CUL1: variants seen among roughly 807,000 people sequenced by gnomAD.
CUL1 encodes cullin-1.
Under a neutral mutation model 118.0 loss-of-function variants are expected in CUL1, and 24 were observed. The observed-to-expected ratio is 0.20, with a 90% CI of 0.15 to 0.29. CUL1 has a LOEUF of 0.29. Ranked by LOEUF, CUL1 falls within the 10% of genes least tolerant of loss-of-function variation. The probability of loss-of-function intolerance (pLI) is 1.00; values close to 1 mark genes in which losing one functional copy is unlikely to be tolerated. For synonymous variants in CUL1, 332 were observed against 340.4 expected, an observed-to-expected ratio of 0.98 and a Z score of 0.27; for missense variants, 361 against 933.8, an observed-to-expected ratio of 0.39 and a Z score of 7.99.
At chr7:148,732,485 G>C (rs1199371820) in intron 2 of CUL1, among the ~76,000 whole-genome samples, 2 of 151,396 alleles carry the variant, frequency 1.3e-5, no homozygotes, top group Admixed American at 1.3e-4. Context: ...GGGACCACAG[G>C]CACGCACCAT....
In CUL1 at chr7:148,759,647, T is replaced by C; in HGVS notation, c.625+9T>C. 1 of 1,538,008 alleles carries C rather than the reference T, an allele frequency of 6.5e-7. No individual in the cohort carries two copies. The highest frequency in any genetic ancestry group is 8.8e-7 in the Non-Finnish European group (1 of 1,130,222). Reference sequence around the variant, plus strand: ...AGTTGTACAGTCTTACGGTAAATAATTTCCCTTTAGTTTATTCAAAGTTTT... The same window carrying C: ...AGTTGTACAGTCTTACGGTAAATAACTTCCCTTTAGTTTATTCAAAGTTTT... On this transcript the variant is annotated intron_variant, in intron 6 of 21. Coordinates refer to ENST00000325222, the MANE Select transcript of CUL1 (RefSeq NM_003592.3).
At chr7:148,776,512 T>G (rs1359945129) in intron 9 of CUL1, among the ~76,000 whole-genome samples, 1 of 151,822 alleles carries the variant, frequency 6.6e-6, no homozygotes, top group Non-Finnish European at 1.5e-5. Flanking sequence ...AGATGGGGTT[T>G]CACTATGTTG....
chr7:148,762,844 CTG>C (rs1799876994), intron 7 of CUL1, among the ~76,000 whole-genome samples: 1 of 152,204 alleles, frequency 6.6e-6, no homozygotes, highest in Non-Finnish European at 1.5e-5. Flanking sequence ...ACAGGTAAAT[CTG>C]TTTTTAAAAC....
At position 148,800,454 on chromosome 7, in the gene CUL1, G is replaced by A. The variant is rs762867227; in HGVS notation, c.2251-48G>A. 6.7e-7 allele frequency: 1 copy of A among 1,490,230 alleles called. No individual in the cohort carries two copies. The highest frequency in any genetic ancestry group is 9.4e-7 in the Non-Finnish European group (1 of 1,068,572). 92.3% of individuals were successfully genotyped at this position (1,490,230 alleles called of 1,614,324 possible). On this transcript the variant is annotated intron_variant, in intron 21 of 21. Transcript: ENST00000325222. This position sits in a 1 kb window ranked among gnomAD's most constrained non-coding sequence, Gnocchi z 4.6. ...TCTCTCTGTTCTGATGATAATTTGT[G>A]TTTTTCTTCTCTTTCACTACCTCTT... is the stretch of plus-strand genomic sequence containing the variant.
In CUL1 at chr7:148,787,211, C is replaced by G; in HGVS notation, c.1479+91C>G. On this transcript the variant is annotated intron_variant, in intron 13 of 21. Coordinates refer to ENST00000325222, the MANE Select transcript of CUL1 (RefSeq NM_003592.3). This position sits in a 1 kb window ranked among gnomAD's most constrained non-coding sequence, Gnocchi z 5.5. The stretch of plus-strand genomic sequence containing the variant: ...AGCGCGGTGGCTCATGCCTGTAATC[C>G]CAGCACTTTGGGAGGCCGAGGCGGG... 1 of 1,387,988 alleles carries G rather than the reference C, an allele frequency of 7.2e-7. No homozygotes were observed. Among genetic ancestry groups the G allele is most frequent in the Non-Finnish European group, 9.8e-7 (1 of 1,016,070 alleles). The allele number at this position is 1,387,988 out of a possible 1,614,324, so 86.0% of individuals were successfully genotyped here.
intron 2 of CUL1, among the ~76,000 whole-genome samples, chr7:148,741,565 A>G (rs1707334936): frequency 1.3e-5 from 2 of 152,038 alleles, no homozygotes; most frequent in Admixed American, 1.3e-4. Flanking sequence ...CAGCCTCCCG[A>G]GTAGCTGGAA....
intron 7 of CUL1, among the ~76,000 whole-genome samples, chr7:148,764,412 C>T (rs759251257): frequency 3.9e-5 from 6 of 152,118 alleles, no homozygotes; most frequent in Non-Finnish European, 8.8e-5. Context: ...AGTGTTGAGG[C>T]CCCTTGGCCA....
intron 1 of CUL1, among the ~76,000 whole-genome samples, chr7:148,715,726 T>C (rs1468768728): frequency 1.3e-5 from 2 of 152,230 alleles, no homozygotes; most frequent in Non-Finnish European, 2.9e-5. Context: ...TCTACAGGTG[T>C]GATTTCCTTT....
chr7:148,746,215 G>A (rs187636754), intron 2 of CUL1, among the ~76,000 whole-genome samples: 6 of 152,240 alleles, frequency 3.9e-5, no homozygotes, highest in African/African-American at 1.4e-4. Context: ...GGATTCTGTG[G>A]CCAAAAGTTT....
chr7:148,754,143 T>A lies in CUL1; in HGVS notation c.308T>A (p.Leu103His). 6.3e-7 allele frequency: 1 copy of A among 1,594,576 alleles called. No individual in the cohort carries two copies. Among genetic ancestry groups the A allele is most frequent in the Non-Finnish European group, 8.6e-7 (1 of 1,166,912 alleles). Residue 103 changes from leucine (L) to histidine (H), a missense_variant, in exon 3 of 22, where the codon CTT (leucine) becomes CAT (histidine). This residue lies in a region of CUL1 where 49 missense variants were observed against 67.4 expected (regional missense o/e 0.73). Coordinates refer to ENST00000325222, the MANE Select transcript of CUL1 (RefSeq NM_003592.3). The part of the protein sequence containing the change: ...KEFLKNYLTN[L>H]LKDGEDLMDE... Reference sequence around the variant, plus strand: ...TTTTTGAAGAATTACTTGACAAATCTTCTTAAGGTAAGATGTTTTATATAT... The same window carrying A: ...TTTTTGAAGAATTACTTGACAAATCATCTTAAGGTAAGATGTTTTATATAT...
At chr7:148,699,483 C>T (rs559367265) in intron 1 of CUL1, among the ~76,000 whole-genome samples, 3 of 152,264 alleles carry the variant, frequency 2.0e-5, no homozygotes, top group South Asian at 4.1e-4. Flanking sequence ...TGCCCTTGCC[C>T]CCTCGCGCCC....
chr7:148,759,830 C>A (rs1012745172), intron 6 of CUL1, among the ~76,000 whole-genome samples, 192 bp downstream of exon 6: 1 of 152,070 alleles, frequency 6.6e-6, no homozygotes, highest in African/African-American at 2.4e-5. Context: ...GCTGTTTGAT[C>A]CGTGTGCCTT....
intron 2 of CUL1, among the ~76,000 whole-genome samples, chr7:148,739,018 C>G (rs1374830459): frequency 6.6e-6 from 1 of 152,156 alleles, no homozygotes; most frequent in Non-Finnish European, 1.5e-5. Context: ...GGGGAGGCTC[C>G]GGCCCTGTCC....
chr7:148,783,728 AC>A lies in CUL1; in HGVS notation c.1084-54del, dbSNP rs1800731435. 22 of 1,596,748 alleles carry A rather than the reference AC, an allele frequency of 1.4e-5. No homozygotes were observed. In the South Asian group the frequency reaches 2.3e-4, roughly 17 times the overall value. On this transcript the variant is annotated intron_variant, in intron 9 of 21. Coordinates refer to ENST00000325222, the MANE Select transcript of CUL1 (RefSeq NM_003592.3). ...TAGTACATGCATTGTATACCTTAAT[AC>A]ACAATTTAATCCCCAATAACCAACT...
At chr7:148,759,468 C>A (rs1488584954) in intron 5 of CUL1, 80 bp from the exon 6 acceptor site, 4 of 1,379,616 alleles carry the variant, frequency 2.9e-6, no homozygotes, top group African/African-American at 2.9e-5. Flanking sequence ...TGTTTAGTGG[C>A]TGTGAATGTT....
rs61460309 is a variant in CUL1 at position 148,749,415 on chromosome 7, CAAAAA to C, written c.141-4545_141-4541del. Among the ~76,000 whole-genome samples, 49 of 56,460 alleles carry C rather than the reference CAAAAA, an allele frequency of 8.7e-4. 1 individual carries two copies. Among genetic ancestry groups the C allele is most frequent in the African/African-American group, 3.2e-3 (47 of 14,500 alleles). The allele number at this position is 56,460 out of a possible 152,430, so 37.0% of individuals were successfully genotyped here. Reference sequence around the variant, plus strand: ...TGGGCAACAGAGTGAGACTCCATCTCAAAAAAAAAAAAAAAAAAAAGTAAAAAGGT... The same window carrying C: ...TGGGCAACAGAGTGAGACTCCATCTCAAAAAAAAAAAAAAAGTAAAAAGGT... On this transcript the variant is annotated intron_variant, in intron 2 of 21. Coordinates refer to ENST00000325222, the MANE Select transcript of CUL1 (RefSeq NM_003592.3).
rs190558056 is a variant in CUL1 at position 148,719,083 on chromosome 7, G to C, written c.-161-10879G>C. 6.3e-3 allele frequency among the ~76,000 whole-genome samples: 965 copies of C among 152,172 alleles called. 9 individuals carry two copies. Among genetic ancestry groups the C allele is most frequent in the Non-Finnish European group, 0.01 (713 of 67,996 alleles). On this transcript the variant is annotated intron_variant, in intron 1 of 21. Coordinates refer to ENST00000325222, the MANE Select transcript of CUL1 (RefSeq NM_003592.3). ...TCCCAGCACTTTGGGAGGCCGAGGC[G>C]GGCGGATCACGAGTTCAGGAGATCG...
intron 1 of CUL1, among the ~76,000 whole-genome samples, chr7:148,705,653 G>A (rs1163126089): frequency 1.3e-5 from 2 of 152,186 alleles, no homozygotes; most frequent in African/African-American, 2.4e-5. Context: ...AGGCAGGAAG[G>A]AGGCTTTGGT....
At chr7:148,727,994 A>G (rs966306222) in intron 1 of CUL1, among the ~76,000 whole-genome samples, 6 of 152,300 alleles carry the variant, frequency 3.9e-5, no homozygotes, top group African/African-American at 1.4e-4. Context: ...GGCCATGTCA[A>G]GAATGATACA....
Sources: allele counts gnomAD v4.1 joint callset (sites outside exome capture counted in the v4.1 genomes callset), GRCh38; gene constraint gnomAD v4.1.1; regional missense constraint gnomAD v4.1.1; non-coding constraint Gnocchi (gnomAD v3.1); transcripts MANE v1.5; gene names NCBI Gene and HGNC (gene_info 2026-07-23, HGNC 2026-07-21).